MME: variants seen among roughly 807,000 people sequenced by gnomAD.
MME encodes the protein membrane metalloendopeptidase.
MME carries 98 observed loss-of-function variants against 113.2 expected under a neutral mutation model. The ratio of observed to expected loss-of-function variants is 0.87; its 90% confidence interval spans 0.74 to 1.02. The LOEUF (loss-of-function observed/expected upper bound fraction) is 1.02, where lower values mean the gene tolerates loss of function less well. Among genes scored for constraint, MME ranks in the 50% least tolerant of loss-of-function variants. The probability of loss-of-function intolerance (pLI) is 0.00; values close to 1 mark genes in which losing one functional copy is unlikely to be tolerated. For missense variants in MME, 836 were observed against 896.0 expected, an observed-to-expected ratio of 0.93 and a Z score of 0.86; for synonymous variants, 292 against 300.6, an observed-to-expected ratio of 0.97 and a Z score of 0.30.
At chr3:155,129,735 A>C (rs1258512447) in intron 8 of MME, among the ~76,000 whole-genome samples, 1 of 152,168 alleles carries the variant, frequency 6.6e-6, no homozygotes, top group African/African-American at 2.4e-5. Flanking sequence ...TTAATGACAC[A>C]ATGCTATCTC....
At chr3:155,123,043 G>A (rs1408644481) in intron 8 of MME, among the ~76,000 whole-genome samples, 1 of 42,926 alleles carries the variant, frequency 2.3e-5, no homozygotes, top group Non-Finnish European at 5.0e-5. Context: ...TTATTAATGC[G>A]TGGGAGTCTA....
intron 18 of MME, among the ~76,000 whole-genome samples, chr3:155,167,965 T>C (rs767235640): frequency 2.0e-5 from 3 of 152,298 alleles, no homozygotes; most frequent in Admixed American, 2.0e-4. Context: ...AAACACATGA[T>C]ACATATAAAT....
rs1451715516 is a variant in MME at position 155,172,004 on chromosome 3, CA to C, written c.1981-112del. ...AGGTTACCATAACTAAATGTATTAT[CA>C]GGGTGATTTTAACATAAAATGTTAA... is the stretch of plus-strand genomic sequence containing the variant. On this transcript the variant is annotated intron_variant, in intron 20 of 22. Coordinates refer to ENST00000360490, the MANE Select transcript of MME (RefSeq NM_007289.4). 4 of 680,908 alleles carry C rather than the reference CA, an allele frequency of 5.9e-6. No individual in the cohort carries two copies. In the Admixed American group the frequency reaches 9.8e-5, roughly 17 times the overall value. The allele number at this position is 680,908 out of a possible 1,614,324, so 42.2% of individuals were successfully genotyped here.
chr3:155,144,743 G>C (rs933978787), intron 14 of MME, among the ~76,000 whole-genome samples: 7 of 152,172 alleles, frequency 4.6e-5, no homozygotes, highest in Non-Finnish European at 1.0e-4. Context: ...TATAATTAAA[G>C]AGATGTTGAA....
Position 155,138,251 on chromosome 3 carries a change from T to G in MME, c.855+15T>G, listed in dbSNP as rs759995584. The G allele has an allele frequency of 6.2e-7, 1 of 1,612,388 alleles. No individual in the cohort carries two copies. The highest frequency in any genetic ancestry group is 1.1e-5 in the South Asian group (1 of 91,048). On this transcript the variant is annotated intron_variant, in intron 9 of 22. Coordinates refer to ENST00000360490, the MANE Select transcript of MME (RefSeq NM_007289.4). The stretch of plus-strand genomic sequence containing the variant: ...AAATTGCCAATGTAAAACACATTTT[T>G]TTTTCTGATACACTGAATAATGTCA...
chr3:155,166,756 C>T, intron 17 of MME, 146 bp from the exon 18 acceptor site: 1 of 1,018,536 alleles, frequency 9.8e-7, no homozygotes, highest in Non-Finnish European at 1.5e-6. Context: ...CAAAGCCAAC[C>T]CCAAGCCTGC....
rs888450251 is a variant in MME at position 155,097,455 on chromosome 3, T to C, written c.196+12361T>C. 8.5e-5 allele frequency among the ~76,000 whole-genome samples: 13 copies of C among 152,180 alleles called. No individual in the cohort carries two copies. The South Asian group carries it at 1.9e-3, about 22-fold the overall frequency. ...GCTGTCCAAAATTAGAGAGTGATCA[T>C]TGGAATTAAGCACAGCTGAGAGGTT... On this transcript the variant is annotated intron_variant, in intron 3 of 22. Coordinates refer to ENST00000360490, the MANE Select transcript of MME (RefSeq NM_007289.4).
chr3:155,179,455 T>C lies in MME; in HGVS notation c.2154-905T>C, dbSNP rs181053418. 1.1e-4 allele frequency among the ~76,000 whole-genome samples: 17 copies of C among 152,286 alleles called. No homozygotes were observed. In the East Asian group the frequency reaches 2.3e-3, roughly 21 times the overall value. On this transcript the variant is annotated intron_variant, in intron 22 of 22. Coordinates refer to ENST00000360490, the MANE Select transcript of MME (RefSeq NM_007289.4). ...GTTGGAGGAGAGAGAAGTCCTAAGA[T>C]GTACACACAGTAGTACACCTGCCAC... is the stretch of plus-strand genomic sequence containing the variant.
intron 1 of MME, among the ~76,000 whole-genome samples, chr3:155,046,307 A>T (rs1173865997): frequency 6.6e-6 from 1 of 152,246 alleles, no homozygotes; most frequent in Non-Finnish European, 1.5e-5. Context: ...TGAATATATT[A>T]TACAATCTTG....
At chr3:155,084,828 G>C (rs1227763017) in intron 2 of MME, among the ~76,000 whole-genome samples, 1 of 152,156 alleles carries the variant, frequency 6.6e-6, no homozygotes, top group Non-Finnish European at 1.5e-5. Flanking sequence ...CGTTGGTAGA[G>C]AAGATATAAT....
intron 3 of MME, among the ~76,000 whole-genome samples, chr3:155,095,427 T>G (rs1374209457): frequency 1.3e-5 from 2 of 152,262 alleles, no homozygotes; most frequent in African/African-American, 4.8e-5. Flanking sequence ...ACCTGGAATA[T>G]CTTCCTAAAT....
At chr3:155,108,521 G>A (rs895770685) in intron 3 of MME, among the ~76,000 whole-genome samples, 23 of 151,784 alleles carry the variant, frequency 1.5e-4, no homozygotes, top group African/African-American at 4.6e-4. Flanking sequence ...GCTTGAACCC[G>A]GGAGGCAGAG....
chr3:155,146,817 A>C (rs1223100733), intron 14 of MME, among the ~76,000 whole-genome samples: 1 of 152,112 alleles, frequency 6.6e-6, no homozygotes, highest in East Asian at 1.9e-4. Flanking sequence ...CTTCTAAAAA[A>C]TTGAAAAAAA....
chr3:155,108,321 T>C (rs1200988558), intron 3 of MME, among the ~76,000 whole-genome samples: 1 of 151,758 alleles, frequency 6.6e-6, no homozygotes, highest in African/African-American at 2.4e-5. Context: ...CTGGGCCGGG[T>C]GTGGTGGCTC....
chr3:155,065,081 GT>G (rs1357520222), intron 1 of MME, among the ~76,000 whole-genome samples: 9 of 152,146 alleles, frequency 5.9e-5, no homozygotes, highest in Non-Finnish European at 1.3e-4. Flanking sequence ...TGACAATCCT[GT>G]TTCCAAATTA....
intron 1 of MME, among the ~76,000 whole-genome samples, chr3:155,071,618 T>C (rs1576682790): frequency 6.6e-6 from 1 of 152,322 alleles, no homozygotes; most frequent in East Asian, 1.9e-4. Context: ...TCTCATTGTA[T>C]GACAGTAATG....
chr3:155,078,753 CA>C (rs534397076), upstream of MME, among the ~76,000 whole-genome samples: 100 of 137,438 alleles, frequency 7.3e-4, 1 homozygote, highest in South Asian at 0.013. Flanking sequence ...ACACTGGAAG[CA>C]AAAAAAAAAG....
intron 3 of MME, among the ~76,000 whole-genome samples, chr3:155,113,235 G>A (rs976142659): frequency 6.6e-6 from 1 of 152,144 alleles, no homozygotes; most frequent in Non-Finnish European, 1.5e-5. Flanking sequence ...AAAGGGGAAG[G>A]TAGGGTGATA....
intron 15 of MME, 32 bp downstream of exon 15, chr3:155,147,256 T>C: frequency 7.6e-7 from 1 of 1,320,026 alleles, no homozygotes; most frequent in Non-Finnish European, 1.1e-6. Context: ...TCTGGACTAC[T>C]GATACTTAGG....
Sources: allele counts gnomAD v4.1 joint callset (sites outside exome capture counted in the v4.1 genomes callset), GRCh38; gene constraint gnomAD v4.1.1; transcripts MANE v1.5; gene names NCBI Gene and HGNC (gene_info 2026-07-23, HGNC 2026-07-21).